The following IGF2BP3 variants were observed in gnomAD, a reference collection of about 807,000 sequenced individuals.
IGF2BP3 encodes the protein insulin like growth factor 2 mRNA binding protein 3, also known as insulin-like growth factor 2 mRNA-binding protein 3.
In IGF2BP3, 9 loss-of-function variants were observed where a neutral mutation model predicts 73.8. That is an observed-to-expected ratio of 0.12 (90% CI 0.07 to 0.21). IGF2BP3 has a LOEUF of 0.21. IGF2BP3 is among the 10% of genes least tolerant of loss of function. The pLI is 1.00. For synonymous variants in IGF2BP3, 258 were observed against 256.7 expected (o/e 1.01, Z -0.05); for missense variants, 542 against 714.0 (o/e 0.76, Z 2.75).
chr7:23,421,592 T>C (rs975198515), intron 2 of IGF2BP3, among the ~76,000 whole-genome samples: 1 of 148,576 alleles, frequency 6.7e-6, no homozygotes, highest in Non-Finnish European at 1.5e-5. Flanking sequence ...CTCGGGAGGC[T>C]GAGGCAGGAG....
At chr7:23,373,792 G>T (rs1428293671) in intron 3 of IGF2BP3, among the ~76,000 whole-genome samples, 1 of 152,194 alleles carries the variant, frequency 6.6e-6, no homozygotes, top group African/African-American at 2.4e-5. Flanking sequence ...AGGTGTTAGG[G>T]TCATGGGGGC....
intron 3 of IGF2BP3, among the ~76,000 whole-genome samples, chr7:23,366,494 T>C (rs556747874): frequency 1.3e-5 from 2 of 150,456 alleles, no homozygotes; most frequent in East Asian, 3.9e-4. Context: ...TTTTTTTAAA[T>C]GGTGAGTTTT....
chr7:23,356,761 A>G (rs1785106236), intron 5 of IGF2BP3, among the ~76,000 whole-genome samples: 1 of 152,176 alleles, frequency 6.6e-6, no homozygotes, highest in Admixed American at 6.5e-5. Flanking sequence ...AGCCTGGGTA[A>G]TATGATTTTA....
At chr7:23,429,310 A>G (rs979412538) in intron 2 of IGF2BP3, among the ~76,000 whole-genome samples, 6 of 152,244 alleles carry the variant, frequency 3.9e-5, no homozygotes. Flanking sequence ...AAGAACCCAA[A>G]AAAGTGCTTT....
intron 5 of IGF2BP3, among the ~76,000 whole-genome samples, chr7:23,359,587 C>T (rs1456056589): frequency 6.6e-6 from 1 of 152,078 alleles, no homozygotes; most frequent in Non-Finnish European, 1.5e-5. Context: ...CGGCTCATGC[C>T]TGTAATCCCA....
intron 13 of IGF2BP3, 25 bp downstream of exon 13, chr7:23,313,497 G>GCA (rs1332360980): frequency 6.2e-7 from 1 of 1,612,052 alleles, no homozygotes; most frequent in African/African-American, 1.3e-5. Context: ...TCATACCACT[G>GCA]CACAGGTTTT....
At chr7:23,370,983 C>T (rs540704930) in intron 3 of IGF2BP3, among the ~76,000 whole-genome samples, 2 of 152,046 alleles carry the variant, frequency 1.3e-5, no homozygotes. Context: ...CCAGCCAGTT[C>T]TAGGTGTCTT....
intron 10 of IGF2BP3, among the ~76,000 whole-genome samples, chr7:23,335,073 T>TAAAAAAAAAA (rs5882898): frequency 1.4e-3 from 96 of 69,098 alleles, no homozygotes; most frequent in East Asian, 2.0e-3. Flanking sequence ...TCTTTAACAT[T>TAAAAAAAAAA]AAAAAAAAAA....
chr7:23,399,167 A>G (rs957179019), intron 3 of IGF2BP3, among the ~76,000 whole-genome samples: 1 of 152,118 alleles, frequency 6.6e-6, no homozygotes, highest in Non-Finnish European at 1.5e-5. Flanking sequence ...TAAATAGGGA[A>G]TCCTTTCCCC....
intron 3 of IGF2BP3, among the ~76,000 whole-genome samples, chr7:23,373,300 C>T (rs186952671): frequency 1.1e-4 from 17 of 152,294 alleles, no homozygotes; most frequent in Non-Finnish European, 2.5e-4. Flanking sequence ...GGTTTTTGAA[C>T]CACCTGCTTT....
At chr7:23,436,911 T>A (rs1347745339) in intron 2 of IGF2BP3, among the ~76,000 whole-genome samples, 1 of 152,020 alleles carries the variant, frequency 6.6e-6, no homozygotes, top group Non-Finnish European at 1.5e-5. Flanking sequence ...AGGTCAGCAG[T>A]TCAAGACCAG....
intron 2 of IGF2BP3, among the ~76,000 whole-genome samples, chr7:23,424,040 C>T (rs980046091): frequency 6.6e-6 from 1 of 152,072 alleles, no homozygotes; most frequent in African/African-American, 2.4e-5. Flanking sequence ...ATTGCTTGAA[C>T]CCGGGAGACG....
At chr7:23,435,754 C>A (rs1358841115) in intron 2 of IGF2BP3, among the ~76,000 whole-genome samples, 1 of 151,518 alleles carries the variant, frequency 6.6e-6, no homozygotes, top group Non-Finnish European at 1.5e-5. Flanking sequence ...CTGTGCCTGG[C>A]CTTTTTGTCT....
intron 10 of IGF2BP3, among the ~76,000 whole-genome samples, chr7:23,329,375 AGT>A (rs1420719288): frequency 1.3e-5 from 2 of 152,318 alleles, no homozygotes; most frequent in African/African-American, 2.4e-5. Flanking sequence ...CCTCACCTAC[AGT>A]GTGTGTGCAT....
chr7:23,335,848 T>C (rs78226239), intron 10 of IGF2BP3, among the ~76,000 whole-genome samples: 2,057 of 152,310 alleles, frequency 0.014, 65 homozygotes, highest in East Asian at 0.13. Flanking sequence ...CCTTCTTCCC[T>C]ACTGTTTGAG....
intron 10 of IGF2BP3, among the ~76,000 whole-genome samples, chr7:23,324,197 GAGA>G (rs1784231381): frequency 6.6e-6 from 1 of 151,638 alleles, no homozygotes; most frequent in African/African-American, 2.4e-5. Flanking sequence ...GAAAAAAAGA[GAGA>G]AGAATCAAAT....
At chr7:23,341,945 G>A in intron 10 of IGF2BP3, 119 bp downstream of exon 10, 2 of 1,122,212 alleles carry the variant, frequency 1.8e-6, no homozygotes, top group Non-Finnish European at 1.2e-6. Flanking sequence ...CAAATAAGAA[G>A]GCTCCATTAG....
chr7:23,352,431 G>A (rs779447377), intron 5 of IGF2BP3, among the ~76,000 whole-genome samples: 1 of 151,876 alleles, frequency 6.6e-6, no homozygotes. Context: ...TGGGATTATA[G>A]GCATGCACCA....
intron 3 of IGF2BP3, chr7:23,365,530 T>C (rs1785347298): frequency 6.6e-6 from 1 of 152,116 alleles, no homozygotes; most frequent in Non-Finnish European, 1.5e-5. Flanking sequence ...TACACACACA[T>C]ACAAATGATA....
Sources: gnomAD v4.1 joint callset for allele counts (sites outside exome capture counted in the v4.1 genomes callset) on GRCh38, gnomAD v4.1.1 for gene constraint, MANE v1.5 for transcripts, NCBI Gene and HGNC (gene_info 2026-07-23, HGNC 2026-07-21) for gene names.